KIAA1549L: variants seen among roughly 807,000 people sequenced by gnomAD.
KIAA1549L encodes KIAA1549 like.
A neutral mutation model predicts 160.7 loss-of-function variants in KIAA1549L; 88 were observed. That is an observed-to-expected ratio of 0.55 (90% CI 0.46 to 0.65). The LOEUF is 0.65. Ranked by LOEUF, KIAA1549L falls within the 30% of genes least tolerant of loss-of-function variation. KIAA1549L has a pLI of 0.00. For missense variants in KIAA1549L, 2,258 were observed against 2,437.5 expected (o/e 0.93, Z 1.55); for synonymous variants, 950 against 976.7 (o/e 0.97, Z 0.51).
rs1347022618 is a variant in KIAA1549L, at chr11:33,668,202, C to A, written c.*48C>A. The stretch of plus-strand genomic sequence containing the variant: ...GGACTTCCAAACTCTGAGGACTCAG[C>A]CTTTGGGTTTCCCATGCCTACGTGT... On this transcript the variant is annotated 3_prime_UTR_variant, in exon 21 of 21. Coordinates refer to ENST00000658780, the MANE Select transcript of KIAA1549L (RefSeq NM_012194.3). 1.9e-6 allele frequency: 3 copies of A among 1,559,406 alleles called. No homozygotes were observed. Among genetic ancestry groups the A allele is most frequent in the African/African-American group, 1.4e-5 (1 of 73,700 alleles).
At chr11:33,609,723 G>C (rs1850597525) in intron 14 of KIAA1549L, 26 bp from the exon 15 acceptor site, 6 of 1,567,812 alleles carry the variant, frequency 3.8e-6, no homozygotes, top group Non-Finnish European at 5.2e-6. Context: ...GGTCAGGTTT[G>C]GGCCTGAGAC....
At position 33,669,153 on chromosome 11, in the gene KIAA1549L, T is replaced by C. The variant is rs1852588800; in HGVS notation, c.*999T>C. The C allele has an allele frequency of 6.6e-6, 1 of 152,212 alleles. No individual in the cohort carries two copies. The allele number at this position is 152,212 out of a possible 1,614,324, so 9.4% of individuals were successfully genotyped here. Reference sequence around the variant, plus strand: ...AACAGGAGTGGTAGAACCACAGTCTTCCCAGGCCGCAGCCTCTGTTTATAG... The same window carrying C: ...AACAGGAGTGGTAGAACCACAGTCTCCCCAGGCCGCAGCCTCTGTTTATAG... On this transcript the variant is annotated 3_prime_UTR_variant, in exon 21 of 21. Coordinates refer to ENST00000658780, the MANE Select transcript of KIAA1549L (RefSeq NM_012194.3).
At chr11:33,379,693 T>C (rs74724755) in intron 1 of KIAA1549L, among the ~76,000 whole-genome samples, 5,593 of 152,304 alleles carry the variant, frequency 0.037, 307 homozygotes, top group South Asian at 0.19. Context: ...GGGTCTCAGT[T>C]CTCTCATCTG....
rs930957235 is a variant in KIAA1549L at position 33,668,764 on chromosome 11, C to G, written c.*610C>G. 5.3e-5 allele frequency: 8 copies of G among 152,232 alleles called. No homozygotes were observed. The highest frequency in any genetic ancestry group is 1.9e-4 in the African/African-American group (8 of 41,424). The allele number at this position is 152,232 out of a possible 1,614,324, so 9.4% of individuals were successfully genotyped here. A position where few individuals can be genotyped will look rare whatever the true frequency, so the allele number is the denominator to read the frequency against. ...GCTGTGCCTATAAATAGACCTGATT[C>G]TTTGTTTCCCTCGTCAATTAAACAA... On this transcript the variant is annotated 3_prime_UTR_variant, in exon 21 of 21. Coordinates refer to ENST00000658780, the MANE Select transcript of KIAA1549L (RefSeq NM_012194.3).
In KIAA1549L at chr11:33,435,346, G is replaced by C. The variant is rs114929096; in HGVS notation, c.238+58457G>C. Among the ~76,000 whole-genome samples the C allele has an allele frequency of 7.4e-3, 1,124 of 152,214 alleles. 11 individuals are homozygous for C. Among genetic ancestry groups the C allele is most frequent in the African/African-American group, 0.026 (1,071 of 41,536 alleles). ...CTGAAGAGGCATGGAATGGACATTT[G>C]CTTTATAGAAAGACAGTAAAACCAA... On this transcript the variant is annotated intron_variant, in intron 1 of 20. Transcript: ENST00000658780.
At chr11:33,460,280 G>A (rs1851916230) in intron 1 of KIAA1549L, among the ~76,000 whole-genome samples, 1 of 152,124 alleles carries the variant, frequency 6.6e-6, no homozygotes, top group Admixed American at 6.5e-5. Flanking sequence ...TGGGAGGGGG[G>A]AGCATGAGAT....
At chr11:33,438,628 A>G (rs148652907) in intron 1 of KIAA1549L, among the ~76,000 whole-genome samples, 2 of 152,368 alleles carry the variant, frequency 1.3e-5, no homozygotes, top group African/African-American at 2.4e-5. Context: ...GAGGCAGTTC[A>G]TTAAAGAGGA....
intron 1 of KIAA1549L, among the ~76,000 whole-genome samples, chr11:33,470,213 A>C (rs1285435596): frequency 2.6e-5 from 4 of 152,090 alleles, no homozygotes; most frequent in South Asian, 2.1e-4. Context: ...GGTAGGGTCC[A>C]ATTTTGTTGT....
chr11:33,600,433 A>G (rs1359371275), intron 13 of KIAA1549L, among the ~76,000 whole-genome samples: 1 of 152,154 alleles, frequency 6.6e-6, no homozygotes, highest in Admixed American at 6.5e-5. Context: ...AGCAGAGACA[A>G]TGGACAGTGA....
intron 16 of KIAA1549L, among the ~76,000 whole-genome samples, chr11:33,639,252 T>C (rs1233197556): frequency 6.6e-6 from 1 of 152,216 alleles, no homozygotes; most frequent in Non-Finnish European, 1.5e-5. Flanking sequence ...TTAGCCACTG[T>C]GTGCACTATT....
At chr11:33,482,462 C>G (rs1852430935) in intron 1 of KIAA1549L, among the ~76,000 whole-genome samples, 1 of 151,630 alleles carries the variant, frequency 6.6e-6, no homozygotes, top group African/African-American at 2.4e-5. Context: ...AAATCTGCAC[C>G]TTTTTTGGGA....
rs770049869 is a variant in KIAA1549L at position 33,646,031 on chromosome 11, C to A, written c.5755C>A (p.Arg1919=). 1.3e-6 allele frequency: 2 copies of A among 1,558,182 alleles called. No homozygotes were observed. The highest frequency in any genetic ancestry group is 2.4e-5 in the South Asian group (2 of 84,822). Residue 1919 remains arginine (R), a synonymous_variant, in exon 17 of 21, where the codon CGG becomes AGG. Coordinates refer to ENST00000658780, the MANE Select transcript of KIAA1549L (RefSeq NM_012194.3). ...AGAAATGTATCAGTACAGTCTGCCCCGGCCGGTAAGTCATTCATTCCACCC... is the reference window on the plus strand; with the variant it reads ...AGAAATGTATCAGTACAGTCTGCCCAGGCCGGTAAGTCATTCATTCCACCC... ...RPEMYQYSLP[R]PAYRFSQLPE...
intron 1 of KIAA1549L, among the ~76,000 whole-genome samples, chr11:33,423,697 C>T (rs191389015): frequency 2.7e-3 from 405 of 152,322 alleles, no homozygotes; most frequent in Non-Finnish European, 3.7e-3. Flanking sequence ...AAGTTTTATA[C>T]AAGTGAGATC....
chr11:33,610,383 T>TA (rs1383787078), intron 15 of KIAA1549L, among the ~76,000 whole-genome samples: 1 of 152,236 alleles, frequency 6.6e-6, no homozygotes, highest in Non-Finnish European at 1.5e-5. Flanking sequence ...AGTAAGTACT[T>TA]ACTGCACAGG....
chr11:33,413,256 A>ATTT lies in KIAA1549L; in HGVS notation c.238+36380_238+36382dup, dbSNP rs35296412. ...ACTTCCCAAACTTATTTGAACACAGATTTTTTTTTTTTTTTAAATCAAGAA... is the reference window on the plus strand; with the variant it reads ...ACTTCCCAAACTTATTTGAACACAGATTTTTTTTTTTTTTTTTTAAATCAAGAA... On this transcript the variant is annotated intron_variant, in intron 1 of 20. Transcript: ENST00000658780. Among the ~76,000 whole-genome samples, 1,262 of 145,156 alleles carry ATTT rather than the reference A, an allele frequency of 8.7e-3. 25 individuals carry two copies. The highest frequency in any genetic ancestry group is 0.03 in the African/African-American group (1,188 of 39,360).
chr11:33,408,489 G>GTGTATATATATATATATATATATA (rs34208718), intron 1 of KIAA1549L, among the ~76,000 whole-genome samples: 18 of 123,056 alleles, frequency 1.5e-4, no homozygotes, highest in East Asian at 1.0e-3. Flanking sequence ...CTGTATATGT[G>GTGTATATATATATATATATATATA]TATATATATA....
chr11:33,429,741 A>G (rs1369662559), intron 1 of KIAA1549L, among the ~76,000 whole-genome samples: 1 of 151,916 alleles, frequency 6.6e-6, no homozygotes, highest in Non-Finnish European at 1.5e-5. Flanking sequence ...CAGGCCAGGA[A>G]TCTTGGTGTT....
Position 33,645,823 on chromosome 11 carries a change from G to A in KIAA1549L, c.5547G>A (p.Gln1849=), listed in dbSNP as rs200695995. ...AGCCATCCATCGACGAGGTCAGGCA[G>A]CAGATGCACATGCTGCTGGAGGAGG... ...SSQPSIDEVR[Q]QMHMLLEEAF... is the part of the protein sequence containing the mutation. The change falls in exon 17 of 21, where the codon CAG becomes CAA. Residue 1849 remains glutamine, a synonymous_variant. Coordinates refer to ENST00000658780, the MANE Select transcript of KIAA1549L (RefSeq NM_012194.3). 14 of 1,613,866 alleles carry A rather than the reference G, an allele frequency of 8.7e-6. No individual in the cohort carries two copies. Among genetic ancestry groups the A allele is most frequent in the Non-Finnish European group, 8.5e-7 (1 of 1,179,914 alleles).
At chr11:33,447,772 G>A (rs547923122) in intron 1 of KIAA1549L, among the ~76,000 whole-genome samples, 3 of 152,228 alleles carry the variant, frequency 2.0e-5, no homozygotes, top group Admixed American at 2.0e-4. Flanking sequence ...CAGAGACTTT[G>A]TGTTTATGTC....
Sources: allele counts gnomAD v4.1 joint callset (sites outside exome capture counted in the v4.1 genomes callset), GRCh38; gene constraint gnomAD v4.1.1; transcripts MANE v1.5; gene names NCBI Gene and HGNC (gene_info 2026-07-23, HGNC 2026-07-21).